Variants in IL23R observed in about 807,000 individuals in gnomAD.
The protein encoded by IL23R is interleukin 23 receptor, also known as interleukin-23 receptor.
Under a neutral mutation model 56.9 loss-of-function variants are expected in IL23R, and 34 were observed. The ratio of observed to expected loss-of-function variants is 0.60; its 90% CI spans 0.45 to 0.80. IL23R has a LOEUF of 0.80. Ranked by LOEUF, IL23R falls within the 30% of genes least tolerant of loss-of-function variation. IL23R has a pLI of 0.00. For missense variants in IL23R, 635 were observed against 730.0 expected (o/e 0.87, Z 1.50); for synonymous variants, 230 against 249.2 (o/e 0.92, Z 0.73).
rs754273325 is a variant in IL23R at position 67,169,436 on chromosome 1, A to G, written c.165A>G (p.Ala55=). The G allele has an allele frequency of 2.5e-6, 4 of 1,613,646 alleles. No homozygotes were observed. In the Admixed American group the frequency reaches 6.7e-5, roughly 27 times the overall value. Reference sequence around the variant, plus strand: ...ATATCTCTATATATTGCCAAGCAGCAATTAAGAACTGCCAACCAAGGAAAC... The same window carrying G: ...ATATCTCTATATATTGCCAAGCAGCGATTAAGAACTGCCAACCAAGGAAAC... The part of the protein sequence containing the change: ...GMNISIYCQA[A]IKNCQPRKLH... Residue 55 remains alanine, a synonymous_variant, in exon 3 of 11, where the codon GCA becomes GCG. Transcript: ENST00000347310.
chr1:67,252,802 G>GAAA (rs1652713257), intron 9 of IL23R, among the ~76,000 whole-genome samples: 1 of 74,376 alleles, frequency 1.3e-5, no homozygotes, highest in Non-Finnish European at 2.7e-5. Context: ...CAAATTTATA[G>GAAA]ACAAAAAAAA....
At chr1:67,143,372 G>A (rs1293954595) in intron 1 of IL23R, among the ~76,000 whole-genome samples, 10 of 152,274 alleles carry the variant, frequency 6.6e-5, no homozygotes, top group African/African-American at 2.4e-4. Flanking sequence ...GCAAAAACAA[G>A]GATTTTGAGT....
intron 4 of IL23R, among the ~76,000 whole-genome samples, chr1:67,184,132 G>A (rs143731611): frequency 2.0e-5 from 3 of 152,128 alleles, no homozygotes; most frequent in Admixed American, 2.0e-4. Context: ...TACTCAGGAG[G>A]CTGAAGCAGG....
chr1:67,210,572 C>T (rs2102644847), intron 6 of IL23R, among the ~76,000 whole-genome samples: 1 of 152,200 alleles, frequency 6.6e-6, no homozygotes, highest in African/African-American at 2.4e-5. Context: ...AAGTGATCCT[C>T]CTGCCTTAGC....
At chr1:67,212,134 A>G (rs1649521273) in intron 6 of IL23R, among the ~76,000 whole-genome samples, 1 of 152,178 alleles carries the variant, frequency 6.6e-6, no homozygotes, top group Non-Finnish European at 1.5e-5. Context: ...TTTTTTTCAG[A>G]AAGTTTTTTT....
At chr1:67,171,041 C>T (rs1052152784) in intron 3 of IL23R, among the ~76,000 whole-genome samples, 5 of 152,170 alleles carry the variant, frequency 3.3e-5, no homozygotes, top group African/African-American at 4.8e-5. Flanking sequence ...GAAATTAAAC[C>T]GCAGGCAGAC....
rs1337372425 is a variant in IL23R at position 67,195,212 on chromosome 1, T to C, written c.492-5525T>C. 2.6e-5 allele frequency among the ~76,000 whole-genome samples: 4 copies of C among 152,210 alleles called. No individual in the cohort carries two copies. The South Asian group carries it at 8.3e-4, about 32-fold the overall frequency. ...CACACCTGGCTAATTTTTGTATTTT[T>C]AGTAGAGACAGGGTTTCACCACGTT... On this transcript the variant is annotated intron_variant, in intron 4 of 10. Coordinates refer to ENST00000347310, the MANE Select transcript of IL23R (RefSeq NM_144701.3).
At position 67,258,614 on chromosome 1, in the gene IL23R, A is replaced by G; in HGVS notation, c.1376A>G (p.Glu459Gly). 1 of 1,613,952 alleles carries G rather than the reference A, an allele frequency of 6.2e-7. No homozygotes were observed. Among genetic ancestry groups the G allele is most frequent in the Non-Finnish European group, 8.5e-7 (1 of 1,179,964 alleles). ...AAGAAGGAGAATACAGGACCCCTGG[A>G]GACAAGAGACTACCCGCAAAACTCG... is the stretch of plus-strand genomic sequence containing the variant. The part of the protein sequence containing the change: ...DYKKENTGPL[E>G]TRDYPQNSLF... Residue 459 changes from glutamate to glycine, a missense_variant, in exon 11 of 11, where the codon GAG becomes GGG. Transcript: ENST00000347310.
At chr1:67,254,682 A>G (rs1338165247) in intron 9 of IL23R, among the ~76,000 whole-genome samples, 1 of 152,214 alleles carries the variant, frequency 6.6e-6, no homozygotes, top group African/African-American at 2.4e-5. Context: ...TTTGAGAACC[A>G]ATTTAAACAA....
chr1:67,191,218 TC>T (rs1360656720), intron 4 of IL23R, among the ~76,000 whole-genome samples: 1 of 152,212 alleles, frequency 6.6e-6, no homozygotes, highest in African/African-American at 2.4e-5. Flanking sequence ...CTGTCATCTC[TC>T]CTCTCTAGTA....
chr1:67,188,085 C>G (rs1215635475), intron 4 of IL23R, among the ~76,000 whole-genome samples: 3 of 152,082 alleles, frequency 2.0e-5, no homozygotes, highest in African/African-American at 7.2e-5. Context: ...AATAAAAAAA[C>G]TCAAGTGCAG....
intron 7 of IL23R, among the ~76,000 whole-genome samples, chr1:67,229,806 G>A (rs541566657): frequency 1.1e-4 from 16 of 152,194 alleles, no homozygotes; most frequent in East Asian, 7.7e-4. Flanking sequence ...ATTAGGACAC[G>A]GACATCTTTA....
At chr1:67,162,150 A>T (rs1375374949), upstream of IL23R, among the ~76,000 whole-genome samples, 1 of 152,112 alleles carries the variant, frequency 6.6e-6, no homozygotes, top group African/African-American at 2.4e-5. Context: ...GTTTAAAAAA[A>T]AAAAAGTAAT....
intron 9 of IL23R, among the ~76,000 whole-genome samples, chr1:67,242,270 A>C (rs1210755659): frequency 1.3e-5 from 2 of 152,210 alleles, no homozygotes; most frequent in East Asian, 3.8e-4. Context: ...TGAACCCTTA[A>C]AATTTCTCAC....
chr1:67,144,337 T>C (rs1646662264), intron 1 of IL23R, among the ~76,000 whole-genome samples: 2 of 152,232 alleles, frequency 1.3e-5, no homozygotes, highest in Non-Finnish European at 2.9e-5. Context: ...CTCTTTTATA[T>C]TGGCATTCCT....
At chr1:67,184,323 A>G (rs1045318132) in intron 4 of IL23R, among the ~76,000 whole-genome samples, 5 of 152,108 alleles carry the variant, frequency 3.3e-5, no homozygotes, top group African/African-American at 1.2e-4. Context: ...AGGTGGGTGC[A>G]TCACCTGAGA....
At chr1:67,252,638 A>T (rs1652702743) in intron 9 of IL23R, among the ~76,000 whole-genome samples, 1 of 152,174 alleles carries the variant, frequency 6.6e-6, no homozygotes, top group Non-Finnish European at 1.5e-5. Context: ...GGGTCGTTAG[A>T]AGGTCTAATT....
intron 3 of IL23R, among the ~76,000 whole-genome samples, chr1:67,172,357 A>G (rs1646953880): frequency 6.6e-6 from 1 of 152,234 alleles, no homozygotes; most frequent in Admixed American, 6.5e-5. Context: ...AAGACAAGAT[A>G]AATGAGTCAT....
chr1:67,245,050 A>G (rs528223795), intron 9 of IL23R, among the ~76,000 whole-genome samples: 7 of 152,104 alleles, frequency 4.6e-5, no homozygotes, highest in African/African-American at 1.4e-4. Flanking sequence ...TTGTATTCCT[A>G]GTTATTTTAT....
Sources: gnomAD v4.1 joint callset for allele counts (sites outside exome capture counted in the v4.1 genomes callset) on GRCh38, gnomAD v4.1.1 for gene constraint, MANE v1.5 for transcripts, NCBI Gene and HGNC (gene_info 2026-07-23, HGNC 2026-07-21) for gene names.